Variants in ASIC2 observed in about 807,000 individuals in gnomAD.
ASIC2 encodes the protein acid-sensing ion channel 2.
A neutral mutation model predicts 57.3 loss-of-function variants in ASIC2; 25 were observed. The ratio of observed to expected loss-of-function variants is 0.44; its 90% CI spans 0.32 to 0.61. The LOEUF is 0.61. Ranked by LOEUF, ASIC2 falls within the 20% of genes least tolerant of loss-of-function variation. The probability of loss-of-function intolerance (pLI) is 0.06; values close to 1 mark genes in which losing one functional copy is unlikely to be tolerated. For synonymous variants in ASIC2, 319 were observed against 307.5 expected (o/e 1.04, Z -0.39); for missense variants, 641 against 738.1 (o/e 0.87, Z 1.52).
intron 1 of ASIC2, among the ~76,000 whole-genome samples, chr17:33,858,581 G>A (rs574876885): frequency 9.8e-5 from 15 of 152,358 alleles, no homozygotes; most frequent in South Asian, 2.1e-4. Context: ...GTCAGGAGCC[G>A]CCAGCGGGAC....
At chr17:34,112,666 C>T (rs1911310518) in intron 1 of ASIC2, among the ~76,000 whole-genome samples, 1 of 152,166 alleles carries the variant, frequency 6.6e-6, no homozygotes, top group Non-Finnish European at 1.5e-5. Flanking sequence ...GTGAAACCAA[C>T]CCTTCCCTGG....
chr17:33,749,576 C>G lies in ASIC2; in HGVS notation c.555+406402G>C, dbSNP rs549224844. Among the ~76,000 whole-genome samples, 4 of 152,188 alleles carry G rather than the reference C, an allele frequency of 2.6e-5. No individual in the cohort carries two copies. In the East Asian group the frequency reaches 7.8e-4, roughly 30 times the overall value. ...TGCACAGATCCTGAGCTGGCTGTCC[C>G]CATCTGGACCGCCCTCTCCATGGCT... On this transcript the variant is annotated intron_variant, in intron 1 of 9. Transcript: ENST00000359872.
chr17:33,588,979 C>T (rs1278525851), intron 1 of ASIC2, among the ~76,000 whole-genome samples: 1 of 152,196 alleles, frequency 6.6e-6, no homozygotes, highest in Non-Finnish European at 1.5e-5. Context: ...TTAAGAAGAA[C>T]CTGAGCCAAG....
At chr17:33,034,994 G>A (rs2091902995) in intron 3 of ASIC2, among the ~76,000 whole-genome samples, 1 of 152,028 alleles carries the variant, frequency 6.6e-6, no homozygotes, top group South Asian at 2.1e-4. Flanking sequence ...CAAGTCATTG[G>A]CGTTCTATTC....
chr17:33,173,923 A>C (rs1295626871), intron 1 of ASIC2, among the ~76,000 whole-genome samples: 1 of 152,158 alleles, frequency 6.6e-6, no homozygotes, highest in Non-Finnish European at 1.5e-5. Flanking sequence ...CAATCAGATG[A>C]GAGTAGCCTT....
chr17:33,326,175 T>A (rs920381921), intron 1 of ASIC2, among the ~76,000 whole-genome samples: 2 of 152,214 alleles, frequency 1.3e-5, no homozygotes, highest in African/African-American at 4.8e-5. Context: ...ACAGAATGAT[T>A]TCAAATATGT....
intron 1 of ASIC2, among the ~76,000 whole-genome samples, chr17:33,149,955 C>A (rs1274183234): frequency 1.3e-5 from 2 of 152,166 alleles, no homozygotes; most frequent in African/African-American, 4.8e-5. Context: ...CCAGATAATT[C>A]ATGAGGTTCA....
intron 1 of ASIC2, among the ~76,000 whole-genome samples, chr17:33,115,076 T>A (rs2092275558): frequency 6.6e-6 from 1 of 152,210 alleles, no homozygotes. Context: ...TTCCCCATCC[T>A]TGACTGCCTC....
intron 1 of ASIC2, among the ~76,000 whole-genome samples, chr17:33,775,887 C>T (rs1379575673): frequency 6.6e-6 from 1 of 152,092 alleles, no homozygotes; most frequent in Non-Finnish European, 1.5e-5. Flanking sequence ...AATCCCAGCA[C>T]TTTGGGAGGC....
At position 34,052,618 on chromosome 17, in the gene ASIC2, C is replaced by CT. The variant is rs554412437; in HGVS notation, c.555+103359dup. The stretch of plus-strand genomic sequence containing the variant: ...TAAATAACCCTGCCTATGAATCTCA[C>CT]TTTTTTTTTTTTTTTGAGATGGAGT... On this transcript the variant is annotated intron_variant, in intron 1 of 9. Transcript: ENST00000359872. Among the ~76,000 whole-genome samples the CT allele has an allele frequency of 8.5e-3, 1,213 of 142,298 alleles. 4 individuals are homozygous for CT. The highest frequency in any genetic ancestry group is 0.04 in the South Asian group (177 of 4,436). The allele number at this position is 142,298 out of a possible 152,430, so 93.4% of individuals were successfully genotyped here.
chr17:33,278,503 A>AG (rs1199109406), intron 1 of ASIC2, among the ~76,000 whole-genome samples: 2 of 144,828 alleles, frequency 1.4e-5, no homozygotes, highest in Non-Finnish European at 3.0e-5. Context: ...AAAAAAAAAA[A>AG]TTGATGGGCT....
intron 1 of ASIC2, among the ~76,000 whole-genome samples, chr17:33,378,948 G>T (rs1408303474): frequency 6.6e-6 from 1 of 152,092 alleles, no homozygotes; most frequent in Non-Finnish European, 1.5e-5. Flanking sequence ...AACCTCTCTG[G>T]GTCTTATTTT....
chr17:33,191,496 C>G (rs573832942), intron 1 of ASIC2, among the ~76,000 whole-genome samples: 1 of 151,034 alleles, frequency 6.6e-6, no homozygotes, highest in South Asian at 2.1e-4. Flanking sequence ...GGTGATCATA[C>G]CTCAATACAG....
intron 1 of ASIC2, among the ~76,000 whole-genome samples, chr17:33,978,676 G>A (rs1905485691): frequency 6.6e-6 from 1 of 152,070 alleles, no homozygotes; most frequent in Non-Finnish European, 1.5e-5. Flanking sequence ...TGGGAGAGTC[G>A]AGTCAAGGCC....
intron 1 of ASIC2, among the ~76,000 whole-genome samples, chr17:33,344,724 C>T (rs2142241140): frequency 6.6e-6 from 1 of 152,214 alleles, no homozygotes; most frequent in East Asian, 1.9e-4. Flanking sequence ...CCTGCTCACA[C>T]ATTTTTTCAG....
At chr17:33,372,208 G>A (rs117942670) in intron 1 of ASIC2, among the ~76,000 whole-genome samples, 48 of 152,090 alleles carry the variant, frequency 3.2e-4, no homozygotes, top group Non-Finnish European at 6.6e-4. Context: ...GGGGGATCAG[G>A]GTGTGGGAAG....
chr17:33,856,528 G>A (rs367788345), intron 1 of ASIC2, among the ~76,000 whole-genome samples: 1 of 146,106 alleles, frequency 6.8e-6, no homozygotes, highest in Non-Finnish European at 1.5e-5. Flanking sequence ...GGTGGTAGTA[G>A]TAGTGGTAGT....
intron 1 of ASIC2, among the ~76,000 whole-genome samples, chr17:33,304,208 T>G (rs995099618): frequency 6.6e-6 from 1 of 152,128 alleles, no homozygotes; most frequent in Non-Finnish European, 1.5e-5. Context: ...TAAAAAGTAC[T>G]GAGTAAAAAA....
chr17:33,525,887 C>A (rs11080228), intron 1 of ASIC2, among the ~76,000 whole-genome samples: 40,950 of 152,146 alleles, frequency 0.27, 6,654 homozygotes, highest in African/African-American at 0.45. Context: ...GTGGTCACTT[C>A]TGACTGAGCT....
Sources: allele counts gnomAD v4.1 joint callset (sites outside exome capture counted in the v4.1 genomes callset), GRCh38; gene constraint gnomAD v4.1.1; transcripts MANE v1.5; gene names NCBI Gene and HGNC (gene_info 2026-07-23, HGNC 2026-07-21).